ATP6V1B1: variants seen among roughly 807,000 people sequenced by gnomAD.
ATP6V1B1 encodes the protein V-type proton ATPase subunit B, kidney isoform.
In ATP6V1B1, 41 loss-of-function variants were observed where a neutral mutation model predicts 62.1. The ratio of observed to expected loss-of-function variants is 0.66; its 90% CI spans 0.51 to 0.86. ATP6V1B1 has a LOEUF of 0.86. ATP6V1B1 is among the 40% of genes least tolerant of loss of function. ATP6V1B1 has a pLI of 0.00. For missense variants in ATP6V1B1, 651 were observed against 697.5 expected (o/e 0.93, Z 0.75); for synonymous variants, 253 against 273.4 (o/e 0.93, Z 0.74).
chr2:70,941,445 T>C, intron 1 of ATP6V1B1: 1 of 984,694 alleles, frequency 1.0e-6, no homozygotes, highest in Middle Eastern at 5.2e-4. Flanking sequence ...CCCTGGGGGC[T>C]GGCACCCCTT....
intron 2 of ATP6V1B1, among the ~76,000 whole-genome samples, chr2:70,951,897 TA>T (rs1402204705): frequency 5.4e-5 from 8 of 149,250 alleles, no homozygotes; most frequent in Admixed American, 6.7e-5. Flanking sequence ...AACTCTGTCT[TA>T]AAAAAAAAAG....
intron 2 of ATP6V1B1, 153 bp from the exon 3 acceptor site, chr2:70,957,893 C>A (rs1572919145): frequency 2.6e-6 from 2 of 762,136 alleles, no homozygotes; most frequent in East Asian, 2.7e-5. Context: ...AGAATTCAAA[C>A]TTTCACTTCC....
At chr2:70,947,649 G>A (rs1553417609) in intron 2 of ATP6V1B1, 1 of 152,224 alleles carries the variant, frequency 6.6e-6, no homozygotes. Flanking sequence ...TTGTCAGCAG[G>A]AGGGACCTTA....
chr2:70,948,971 A>ATAAC (rs1680258437), intron 2 of ATP6V1B1, among the ~76,000 whole-genome samples: 1 of 152,216 alleles, frequency 6.6e-6, no homozygotes, highest in Admixed American at 6.5e-5. Flanking sequence ...AGTAGGTGAT[A>ATAAC]TAACGATAGT....
At position 70,959,181 on chromosome 2, in the gene ATP6V1B1, A is replaced by C; in HGVS notation, c.445+86A>C. 2 of 1,441,736 alleles carry C rather than the reference A, an allele frequency of 1.4e-6. No individual in the cohort carries two copies. Among genetic ancestry groups the C allele is most frequent in the Non-Finnish European group, 1.9e-6 (2 of 1,029,486 alleles). The allele number at this position is 1,441,736 out of a possible 1,614,324, so 89.3% of individuals were successfully genotyped here. A position where few individuals can be genotyped will look rare whatever the true frequency, so the allele number is the denominator to read the frequency against. On this transcript the variant is annotated intron_variant, in intron 5 of 13. Coordinates refer to ENST00000234396, the MANE Select transcript of ATP6V1B1 (RefSeq NM_001692.4). The surrounding 1 kb of genome is among the most constrained non-coding windows in gnomAD (Gnocchi z 4.2). ...GGAAGTTCTGCCCAGACTCACAAGC[A>C]GATCAGATGTGATGGGAGAGCAGCA... is the stretch of plus-strand genomic sequence containing the variant.
intron 1 of ATP6V1B1, chr2:70,941,684 C>A: frequency 1.0e-6 from 1 of 965,246 alleles, no homozygotes; most frequent in South Asian, 4.8e-5. Context: ...AGAAGGCATC[C>A]ATGCAGTAGA....
intron 2 of ATP6V1B1, chr2:70,944,329 G>C: frequency 1.1e-6 from 1 of 914,692 alleles, no homozygotes; most frequent in Non-Finnish European, 1.5e-6. Flanking sequence ...TCCTGGGGTT[G>C]GGAATTCTTG....
intron 2 of ATP6V1B1, among the ~76,000 whole-genome samples, chr2:70,955,551 G>T (rs1263323098): frequency 1.3e-5 from 2 of 152,050 alleles, no homozygotes; most frequent in African/African-American, 2.4e-5. Context: ...GCCTATTCTG[G>T]ACATTTTCTA....
chr2:70,944,133 AGAG>A, intron 2 of ATP6V1B1: 1 of 1,283,182 alleles, frequency 7.8e-7, no homozygotes, highest in Non-Finnish European at 1.0e-6. Flanking sequence ...TTAACGGGAA[AGAG>A]GAGGAGGTGG....
At chr2:70,958,918 T>G in intron 4 of ATP6V1B1, 100 bp from the exon 5 acceptor site, 3 of 1,151,914 alleles carry the variant, frequency 2.6e-6, no homozygotes, top group Non-Finnish European at 2.6e-6. Context: ...GGCACTCCTG[T>G]GGGGAGTGGG....
rs1553420470 is a variant in ATP6V1B1, at chr2:70,963,360, T to C, written c.1060+48T>C. On this transcript the variant is annotated intron_variant, in intron 10 of 13. Coordinates refer to ENST00000234396, the MANE Select transcript of ATP6V1B1 (RefSeq NM_001692.4). The surrounding 1 kb of genome is among the most constrained non-coding windows in gnomAD (Gnocchi z 4.3). ...CCCTCCAGAGCTCCCCTGTCCTCCCTTTTCCAACCAGATACTTAAAGGGCC... is the reference window on the plus strand; with the variant it reads ...CCCTCCAGAGCTCCCCTGTCCTCCCCTTTCCAACCAGATACTTAAAGGGCC... The C allele has an allele frequency of 5.6e-6, 9 of 1,611,538 alleles. No individual in the cohort carries two copies. Among genetic ancestry groups the C allele is most frequent in the Non-Finnish European group, 7.6e-6 (9 of 1,179,734 alleles).
intron 1 of ATP6V1B1, chr2:70,941,151 C>G (rs1457792141): frequency 1.6e-6 from 1 of 629,886 alleles, no homozygotes; most frequent in Non-Finnish European, 2.0e-6. Context: ...CTCCTGGGCT[C>G]AAGTGATCCA....
intron 2 of ATP6V1B1, chr2:70,944,239 G>A (rs527973835): frequency 2.3e-6 from 3 of 1,288,648 alleles, no homozygotes; most frequent in South Asian, 1.2e-5. Context: ...GGTAAGTGAA[G>A]TGGGCCCCAC....
chr2:70,939,482 C>G (rs1272871675), intron 1 of ATP6V1B1: 1 of 152,322 alleles, frequency 6.6e-6, no homozygotes, highest in African/African-American at 2.4e-5. Flanking sequence ...AGGATACCGT[C>G]TTGAACTGTG....
intron 4 of ATP6V1B1, 93 bp from the exon 5 acceptor site, chr2:70,958,924 GT>G: frequency 1.6e-6 from 2 of 1,255,838 alleles, no homozygotes; most frequent in Non-Finnish European, 2.3e-6. Flanking sequence ...CCTGTGGGGA[GT>G]GGGTGGGAGC....
Position 70,943,382 on chromosome 2 carries a change from G to A in ATP6V1B1, c.119-276G>A, listed in dbSNP as rs1379854634. On this transcript the variant is annotated intron_variant, in intron 1 of 13. Transcript: ENST00000234396. ...AGGGGAAGCAGCCTCAGGGATGAGAGGCCTCTGTGTGGTGGGGGCGGACTC... is the reference window on the plus strand; with the variant it reads ...AGGGGAAGCAGCCTCAGGGATGAGAAGCCTCTGTGTGGTGGGGGCGGACTC... 16 of 599,762 alleles carry A rather than the reference G, an allele frequency of 2.7e-5. No homozygotes were observed. The East Asian group carries it at 4.3e-4, about 16-fold the overall frequency. The allele number at this position is 599,762 out of a possible 1,614,324, so 37.2% of individuals were successfully genotyped here.
chr2:70,964,131 TTTTTTGCAGCTA>T, intron 11 of ATP6V1B1: 1 of 307,462 alleles, frequency 3.3e-6, no homozygotes, highest in South Asian at 4.3e-5. Context: ...TTTTTTTTTT[TTTTTTGCAGCTA>T]TTAACCATTA....
intron 1 of ATP6V1B1, among the ~76,000 whole-genome samples, chr2:70,943,043 C>A (rs1680042105): frequency 1.3e-5 from 2 of 152,214 alleles, no homozygotes; most frequent in Admixed American, 1.3e-4. Context: ...CATCTGCAGG[C>A]ATTTCCCTCC....
chr2:70,938,611 G>A (rs1679914181), intron 1 of ATP6V1B1: 1 of 985,392 alleles, frequency 1.0e-6, no homozygotes, highest in Non-Finnish European at 1.2e-6. Flanking sequence ...GGCTAGAAAG[G>A]AGGAGACACT....
Sources: allele counts gnomAD v4.1 joint callset (sites outside exome capture counted in the v4.1 genomes callset), GRCh38; gene constraint gnomAD v4.1.1; non-coding constraint Gnocchi (gnomAD v3.1); transcripts MANE v1.5; gene names NCBI Gene and HGNC (gene_info 2026-07-23, HGNC 2026-07-21).